Variants in TAOK3 observed in about 807,000 individuals in gnomAD.
TAOK3 encodes TAO kinase 3, also known as serine/threonine-protein kinase TAO3.
Under a neutral mutation model 120.4 loss-of-function variants are expected in TAOK3, and 40 were observed. That is an observed-to-expected ratio of 0.33 (90% CI 0.26 to 0.43). The LOEUF (loss-of-function observed/expected upper bound fraction) is 0.43, where lower values mean the gene tolerates loss of function less well. Among genes scored for constraint, TAOK3 ranks in the 20% least tolerant of loss-of-function variants. The pLI is 1.00. For missense variants in TAOK3, 821 were observed against 1,112.1 expected (o/e 0.74, Z 3.72); for synonymous variants, 355 against 387.5 (o/e 0.92, Z 0.99).
chr12:118,151,035 A>T lies in TAOK3; in HGVS notation c.2659T>A (p.Leu887Met). 6.2e-7 allele frequency: 1 copy of T among 1,612,838 alleles called. No individual in the cohort carries two copies. The change falls in exon 21 of 21, where the codon TTG (leucine) becomes ATG (methionine). Residue 887 changes from leucine (L) to methionine (M), a missense_variant. Transcript: ENST00000392533. ...MESLRMGFGN[L>M]VTLDFPKEDY... ...TCCTTAGGAAAATCTAATGTAACCA[A>T]ATTCCCAAATCCCATTCTGAGGCTC...
intron 17 of TAOK3, among the ~76,000 whole-genome samples, chr12:118,166,508 A>G (rs1479990010): frequency 1.3e-5 from 2 of 151,644 alleles, no homozygotes; most frequent in Non-Finnish European, 2.9e-5. Flanking sequence ...ATTGCATTCC[A>G]GCCTGGGCAA....
intron 1 of TAOK3, among the ~76,000 whole-genome samples, chr12:118,328,572 A>C (rs1046310983): frequency 1.4e-4 from 21 of 152,186 alleles, no homozygotes; most frequent in African/African-American, 4.3e-4. Flanking sequence ...CAACAACTAG[A>C]GTATAGCAAA....
At chr12:118,251,335 C>T (rs58113338) in intron 3 of TAOK3, among the ~76,000 whole-genome samples, 1 of 152,086 alleles carries the variant, frequency 6.6e-6, no homozygotes, top group Non-Finnish European at 1.5e-5. Context: ...AGGTACTGCC[C>T]ATGTGACCAC....
At chr12:118,237,521 T>C (rs566918638) in intron 7 of TAOK3, among the ~76,000 whole-genome samples, 3 of 152,254 alleles carry the variant, frequency 2.0e-5, no homozygotes, top group African/African-American at 7.2e-5. Context: ...TGAGTTTCAA[T>C]CCTTAACATA....
intron 1 of TAOK3, among the ~76,000 whole-genome samples, chr12:118,329,395 T>C (rs2044057815): frequency 6.6e-6 from 1 of 152,148 alleles, no homozygotes; most frequent in Non-Finnish European, 1.5e-5. Flanking sequence ...TTCAAACTGA[T>C]TATCAAACTT....
At chr12:118,330,738 A>G (rs2044111005) in intron 1 of TAOK3, among the ~76,000 whole-genome samples, 1 of 151,288 alleles carries the variant, frequency 6.6e-6, no homozygotes, top group African/African-American at 2.4e-5. Flanking sequence ...AGAAAAAGAA[A>G]GAAGGAAAGA....
intron 1 of TAOK3, among the ~76,000 whole-genome samples, chr12:118,370,362 G>A (rs572869): frequency 0.69 from 105,514 of 152,040 alleles, 36,850 homozygotes; most frequent in South Asian, 0.75. Context: ...TAAGGCATCT[G>A]CATTATATAT....
At chr12:118,367,890 A>T (rs1462120798) in intron 1 of TAOK3, among the ~76,000 whole-genome samples, 1 of 152,156 alleles carries the variant, frequency 6.6e-6, no homozygotes, top group Admixed American at 6.6e-5. Context: ...AACAGTTTTC[A>T]TCTATTCCCC....
chr12:118,201,043 A>T lies in TAOK3; in HGVS notation c.987+253T>A, dbSNP rs2037993880. 4 of 317,586 alleles carry T rather than the reference A, an allele frequency of 1.3e-5. No individual in the cohort carries two copies. The East Asian group carries it at 2.2e-4, about 17-fold the overall frequency. The allele number at this position is 317,586 out of a possible 1,614,324, so 19.7% of individuals were successfully genotyped here. A position where few individuals can be genotyped will look rare whatever the true frequency, so the allele number is the denominator to read the frequency against. On this transcript the variant is annotated intron_variant, in intron 12 of 20. Coordinates refer to ENST00000392533, the MANE Select transcript of TAOK3 (RefSeq NM_016281.4). ...ACATCATGTCCTCCAGGAAACCTTC[A>T]CTAATCCCACCAGCAGACTTATTTT...
At chr12:118,368,352 A>G (rs1314033139) in intron 1 of TAOK3, among the ~76,000 whole-genome samples, 1 of 151,806 alleles carries the variant, frequency 6.6e-6, no homozygotes, top group Non-Finnish European at 1.5e-5. Context: ...GCCTGCCACC[A>G]CGCCCCGGCT....
rs752734785 is a variant in TAOK3 at position 118,283,919 on chromosome 12, CAAG to C, written c.-193-17163_-193-17161del. Reference sequence around the variant, plus strand: ...GAACAGTCTATTGGGTCTAGATTGTCAAGGAGCTTGAATACCATGTAAAGGTTT... The same window carrying C: ...GAACAGTCTATTGGGTCTAGATTGTCGAGCTTGAATACCATGTAAAGGTTT... On this transcript the variant is annotated intron_variant, in intron 1 of 20. Coordinates refer to ENST00000392533, the MANE Select transcript of TAOK3 (RefSeq NM_016281.4). 1.6e-4 allele frequency among the ~76,000 whole-genome samples: 24 copies of C among 152,272 alleles called. No individual in the cohort carries two copies. In the South Asian group the frequency reaches 4.6e-3, roughly 29 times the overall value.
At chr12:118,152,898 G>A (rs2034552060) in intron 19 of TAOK3, 1 of 153,428 alleles carries the variant, frequency 6.5e-6, no homozygotes, top group African/African-American at 2.4e-5. Context: ...AATAGTAGTG[G>A]TTATCATTAT....
At chr12:118,260,377 A>G (rs995565867) in intron 2 of TAOK3, among the ~76,000 whole-genome samples, 1 of 152,190 alleles carries the variant, frequency 6.6e-6, no homozygotes, top group African/African-American at 2.4e-5. Flanking sequence ...GTCCAAGAAT[A>G]CTTGAAGGAA....
chr12:118,255,694 C>G, intron 2 of TAOK3, 39 bp from the exon 3 acceptor site: 1 of 1,010,938 alleles, frequency 9.9e-7, no homozygotes, highest in Non-Finnish European at 1.4e-6. Flanking sequence ...TTATTTCTAA[C>G]ACATTTTACT....
chr12:118,246,365 T>C (rs1593285919), intron 3 of TAOK3: 3 of 1,601,708 alleles, frequency 1.9e-6, no homozygotes, highest in Non-Finnish European at 2.6e-6. Flanking sequence ...CAGAGATCAT[T>C]GATTTCTTCC....
chr12:118,345,650 T>C (rs1294264103), intron 1 of TAOK3, among the ~76,000 whole-genome samples: 1 of 151,580 alleles, frequency 6.6e-6, no homozygotes, highest in Non-Finnish European at 1.5e-5. Context: ...AGTGCCTTTG[T>C]CAGGACATAC....
intron 1 of TAOK3, among the ~76,000 whole-genome samples, chr12:118,356,092 T>C (rs1566168466): frequency 6.6e-6 from 1 of 152,150 alleles, no homozygotes; most frequent in South Asian, 2.1e-4. Context: ...ATTCTAAGAA[T>C]TGTGTGATAC....
chr12:118,326,981 G>T (rs897895492), intron 1 of TAOK3, among the ~76,000 whole-genome samples: 2 of 152,060 alleles, frequency 1.3e-5, no homozygotes, highest in Non-Finnish European at 2.9e-5. Context: ...CCCAAATGGA[G>T]TCACACTTTA....
intron 1 of TAOK3, among the ~76,000 whole-genome samples, chr12:118,274,049 G>A (rs1007889802): frequency 2.6e-5 from 4 of 151,958 alleles, no homozygotes; most frequent in Admixed American, 1.3e-4. Flanking sequence ...GTTAGGACTA[G>A]TCGAGTATTT....
Sources: gnomAD v4.1 joint callset for allele counts (sites outside exome capture counted in the v4.1 genomes callset) on GRCh38, gnomAD v4.1.1 for gene constraint, MANE v1.5 for transcripts, NCBI Gene and HGNC (gene_info 2026-07-23, HGNC 2026-07-21) for gene names.